Variants in MAPKAP1 observed in about 807,000 individuals in gnomAD.
MAPKAP1 encodes the protein target of rapamycin complex 2 subunit MAPKAP1.
Under a neutral mutation model 65.7 loss-of-function variants are expected in MAPKAP1, and 20 were observed. That is an observed-to-expected ratio of 0.30 (90% CI 0.21 to 0.44). The LOEUF is 0.44. Among genes scored for constraint, MAPKAP1 ranks in the 20% least tolerant of loss-of-function variants. The pLI is 1.00. For synonymous variants in MAPKAP1, 222 were observed against 244.3 expected, an observed-to-expected ratio of 0.91 and a Z score of 0.85; for missense variants, 423 against 648.0, an observed-to-expected ratio of 0.65 and a Z score of 3.77.
At position 125,445,325 on chromosome 9, in the gene MAPKAP1, G is replaced by T. The variant is rs371175143; in HGVS notation, c.1346-727C>A. ...TAGCCTCATCTCACTCCGCTGCCCC[G>T]ACAGGCCACAGGCTGCCAGAGTGCT... On this transcript the variant is annotated intron_variant, in intron 10 of 11. Transcript: ENST00000265960. Among the ~76,000 whole-genome samples, 18 of 152,274 alleles carry T rather than the reference G, an allele frequency of 1.2e-4. No individual in the cohort carries two copies. The East Asian group carries it at 3.5e-3, about 29-fold the overall frequency.
chr9:125,516,101 G>C (rs1829453403), intron 7 of MAPKAP1, among the ~76,000 whole-genome samples: 1 of 152,166 alleles, frequency 6.6e-6, no homozygotes, highest in Non-Finnish European at 1.5e-5. Flanking sequence ...ACTTACATCT[G>C]ACCCAGCAGT....
intron 4 of MAPKAP1, among the ~76,000 whole-genome samples, chr9:125,636,622 GACC>G: frequency 6.6e-6 from 1 of 152,284 alleles, no homozygotes; most frequent in East Asian, 1.9e-4. Context: ...TCTACTACCA[GACC>G]ATTCACAACT....
chr9:125,648,890 A>G (rs914514384), intron 4 of MAPKAP1, among the ~76,000 whole-genome samples: 2 of 152,008 alleles, frequency 1.3e-5, no homozygotes, highest in Admixed American at 6.6e-5. Flanking sequence ...GCAGTGAGCC[A>G]AGATCACACC....
At chr9:125,547,172 G>C (rs1830450471) in intron 6 of MAPKAP1, among the ~76,000 whole-genome samples, 1 of 152,124 alleles carries the variant, frequency 6.6e-6, no homozygotes, top group Admixed American at 6.6e-5. Context: ...CCCCAAAAAA[G>C]TTTGTATGCC....
chr9:125,494,634 T>A (rs1854870782), intron 8 of MAPKAP1, among the ~76,000 whole-genome samples: 1 of 152,194 alleles, frequency 6.6e-6, no homozygotes, highest in Non-Finnish European at 1.5e-5. Context: ...TTGCTATCCC[T>A]CAGTCTCATC....
intron 4 of MAPKAP1, among the ~76,000 whole-genome samples, chr9:125,653,971 G>A (rs1000346817): frequency 3.3e-5 from 5 of 152,274 alleles, no homozygotes; most frequent in Middle Eastern, 3.4e-3. Flanking sequence ...ATCTGCAAAT[G>A]CAATTTGACC....
chr9:125,537,234 T>C (rs1007257026), intron 7 of MAPKAP1, among the ~76,000 whole-genome samples: 2 of 152,222 alleles, frequency 1.3e-5, no homozygotes, highest in African/African-American at 2.4e-5. Context: ...CTCAGAGAAG[T>C]ACATCATTAC....
intron 10 of MAPKAP1, among the ~76,000 whole-genome samples, chr9:125,464,608 C>T (rs1227297794): frequency 6.6e-6 from 1 of 152,096 alleles, no homozygotes; most frequent in Non-Finnish European, 1.5e-5. Context: ...AGTTCAAGTC[C>T]TTAAACACTC....
intron 1 of MAPKAP1, among the ~76,000 whole-genome samples, chr9:125,696,860 C>T (rs1399340605): frequency 3.3e-5 from 5 of 151,910 alleles, no homozygotes; most frequent in South Asian, 2.1e-4. Flanking sequence ...AATCTTATGC[C>T]TCAGTTTACC....
At chr9:125,566,561 TGAAAAAGAAAAAGAAAAA>T (rs72228008) in intron 5 of MAPKAP1, among the ~76,000 whole-genome samples, 4,370 of 147,770 alleles carry the variant, frequency 0.03, 208 homozygotes, top group African/African-American at 0.098. Context: ...GACACTGTCT[TGAAAAAGAAAAAGAAAAA>T]GAAAAAGAAA....
intron 5 of MAPKAP1, among the ~76,000 whole-genome samples, chr9:125,570,397 C>T (rs1831191730): frequency 6.7e-6 from 1 of 149,952 alleles, no homozygotes; most frequent in South Asian, 2.1e-4. Context: ...TATAACTTGC[C>T]TGCTTTACAG....
intron 1 of MAPKAP1, among the ~76,000 whole-genome samples, chr9:125,693,477 A>G (rs899480232): frequency 6.6e-6 from 1 of 150,560 alleles, no homozygotes; most frequent in Non-Finnish European, 1.5e-5. Context: ...ATATACACAC[A>G]CATATACACA....
chr9:125,558,501 T>C (rs1728765375), intron 6 of MAPKAP1, among the ~76,000 whole-genome samples: 1 of 152,202 alleles, frequency 6.6e-6, no homozygotes, highest in African/African-American at 2.4e-5. Context: ...AATACTCATA[T>C]ATCATATGTA....
Position 125,629,143 on chromosome 9 carries a change from A to G in MAPKAP1, c.498+28508T>C, listed in dbSNP as rs1833200249. On this transcript the variant is annotated intron_variant, in intron 4 of 11. Coordinates refer to ENST00000265960, the MANE Select transcript of MAPKAP1 (RefSeq NM_001006617.3). ...ATGTGGAAAAAGTGGAAGCCTGTGC[A>G]CTGTTGGTAGAAATGTAAAATAATG... Among the ~76,000 whole-genome samples the G allele has an allele frequency of 1.3e-5, 2 of 152,106 alleles. 1 individual carries two copies. Among genetic ancestry groups the G allele is most frequent in the Admixed American group, 1.3e-4 (2 of 15,252 alleles).
At chr9:125,570,405 C>T (rs372246391) in intron 5 of MAPKAP1, among the ~76,000 whole-genome samples, 18 of 148,720 alleles carry the variant, frequency 1.2e-4, no homozygotes, top group African/African-American at 4.2e-4. Flanking sequence ...GCCTGCTTTA[C>T]AGCTAGGTAA....
intron 6 of MAPKAP1, among the ~76,000 whole-genome samples, chr9:125,544,123 G>A (rs1016268166): frequency 6.6e-6 from 1 of 151,962 alleles, no homozygotes; most frequent in Non-Finnish European, 1.5e-5. Flanking sequence ...CGATTCTCCT[G>A]CCTCAGCCTC....
intron 7 of MAPKAP1, among the ~76,000 whole-genome samples, chr9:125,534,244 GA>G (rs919092358): frequency 5.3e-5 from 8 of 151,702 alleles, no homozygotes; most frequent in Non-Finnish European, 1.2e-4. Context: ...GTGAACTGAA[GA>G]AAAAAAACCC....
intron 7 of MAPKAP1, among the ~76,000 whole-genome samples, chr9:125,526,468 A>C (rs753799860): frequency 2.0e-5 from 3 of 152,262 alleles, no homozygotes; most frequent in African/African-American, 7.2e-5. Context: ...AATATGGGTC[A>C]CAGAGACAAA....
chr9:125,460,191 C>T (rs1040187895), intron 10 of MAPKAP1, among the ~76,000 whole-genome samples: 1 of 151,686 alleles, frequency 6.6e-6, no homozygotes, highest in Non-Finnish European at 1.5e-5. Flanking sequence ...TAGGAAAACG[C>T]AAATGTATAG....
Sources: allele counts gnomAD v4.1 joint callset (sites outside exome capture counted in the v4.1 genomes callset), GRCh38; gene constraint gnomAD v4.1.1; transcripts MANE v1.5; gene names NCBI Gene and HGNC (gene_info 2026-07-23, HGNC 2026-07-21).